Variants in NET1 observed in about 807,000 individuals in gnomAD.
The protein encoded by NET1 is neuroepithelial cell transforming 1, also known as neuroepithelial cell-transforming gene 1 protein.
Under a neutral mutation model 61.1 loss-of-function variants are expected in NET1, and 42 were observed. The ratio of observed to expected loss-of-function variants is 0.69; its 90% CI spans 0.54 to 0.89. NET1 has a LOEUF of 0.89. Ranked by LOEUF, NET1 falls within the 40% of genes least tolerant of loss-of-function variation. NET1 has a pLI of 0.00. For synonymous variants in NET1, 254 were observed against 281.8 expected, an observed-to-expected ratio of 0.90 and a Z score of 0.99; for missense variants, 654 against 747.3, an observed-to-expected ratio of 0.88 and a Z score of 1.46.
intron 1 of NET1, among the ~76,000 whole-genome samples, chr10:5,413,282 C>G (rs939985888): frequency 6.6e-6 from 1 of 152,190 alleles, no homozygotes; most frequent in Non-Finnish European, 1.5e-5. Flanking sequence ...TGCCTTTGCT[C>G]AGACCGAAAC....
At position 5,431,574 on chromosome 10, in the gene NET1, G is replaced by A. The variant is rs759196806; in HGVS notation, c.255+2345G>A. Among the ~76,000 whole-genome samples the A allele has an allele frequency of 2.6e-5, 4 of 151,852 alleles. No individual in the cohort carries two copies. The highest frequency in any genetic ancestry group is 1.9e-4 in the East Asian group (1 of 5,184). ...CTGTAAAGAGAAAATTCACCTTGTC[G>A]GCCATTTGATTACTCTGAAGTTCTG... On this transcript the variant is annotated intron_variant, in intron 3 of 11. Coordinates refer to ENST00000355029, the MANE Select transcript of NET1 (RefSeq NM_001047160.3). This position sits in a 1 kb window ranked among gnomAD's most constrained non-coding sequence, Gnocchi z 4.9.
rs760958920 is a variant in NET1, at chr10:5,457,890, C to T, written c.*896C>T. On this transcript the variant is annotated 3_prime_UTR_variant, in exon 12 of 12. Transcript: ENST00000355029. The surrounding 1 kb of genome is among the most constrained non-coding windows in gnomAD (Gnocchi z 5.4). ...ATTCTAGACTACTGAAAGAAAACCA[C>T]TTCAAAGATTTTGTTGAAAGTTTTA... 1 of 152,542 alleles carries T rather than the reference C, an allele frequency of 6.6e-6. No homozygotes were observed. The highest frequency in any genetic ancestry group is 1.5e-5 in the Non-Finnish European group (1 of 68,020). The allele number at this position is 152,542 out of a possible 1,614,324, so 9.4% of individuals were successfully genotyped here.
chr10:5,457,319 A>G lies in NET1; in HGVS notation c.*325A>G. On this transcript the variant is annotated 3_prime_UTR_variant, in exon 12 of 12. Coordinates refer to ENST00000355029, the MANE Select transcript of NET1 (RefSeq NM_001047160.3). This position sits in a 1 kb window ranked among gnomAD's most constrained non-coding sequence, Gnocchi z 5.4. ...ATGGCTTTCTAATACCAATTGTAAT[A>G]TTTACAATATTCACCAAAACTTAGA... 5.8e-6 allele frequency: 1 copy of G among 173,604 alleles called. No homozygotes were observed. Among genetic ancestry groups the G allele is most frequent in the Non-Finnish European group, 1.2e-5 (1 of 82,332 alleles). The allele number at this position is 173,604 out of a possible 1,614,324, so 10.8% of individuals were successfully genotyped here. A position where few individuals can be genotyped will look rare whatever the true frequency, so the allele number is the denominator to read the frequency against.
chr10:5,427,076 A>G lies in NET1; in HGVS notation c.195+355A>G, dbSNP rs1240276448. Reference sequence around the variant, plus strand: ...TTTTTTCTTGGTTGAAAATATAAAAATGCTTGATTGCACATTGTGTATATA... The same window carrying G: ...TTTTTTCTTGGTTGAAAATATAAAAGTGCTTGATTGCACATTGTGTATATA... On this transcript the variant is annotated intron_variant, in intron 2 of 11. Coordinates refer to ENST00000355029, the MANE Select transcript of NET1 (RefSeq NM_001047160.3). The surrounding 1 kb of genome is among the most constrained non-coding windows in gnomAD (Gnocchi z 4.1). Among the ~76,000 whole-genome samples the G allele has an allele frequency of 6.6e-6, 1 of 151,916 alleles. No individual in the cohort carries two copies. The highest frequency in any genetic ancestry group is 2.4e-5 in the African/African-American group (1 of 41,394).
chr10:5,454,204 C>T lies in NET1; in HGVS notation c.769-61C>T. On this transcript the variant is annotated intron_variant, in intron 8 of 11. Coordinates refer to ENST00000355029, the MANE Select transcript of NET1 (RefSeq NM_001047160.3). This position sits in a 1 kb window ranked among gnomAD's most constrained non-coding sequence, Gnocchi z 8.1. ...ACATTTTGTGTTTCATGTTTGCAGG[C>T]TTGTTAATGCACTCGGTCATAACAG... is the stretch of plus-strand genomic sequence containing the variant. The T allele has an allele frequency of 6.6e-7, 1 of 1,515,852 alleles. No homozygotes were observed. The highest frequency in any genetic ancestry group is 8.9e-7 in the Non-Finnish European group (1 of 1,125,090). The allele number at this position is 1,515,852 out of a possible 1,614,324, so 93.9% of individuals were successfully genotyped here.
At position 5,439,549 on chromosome 10, in the gene NET1, A is replaced by G. The variant is rs1161447825; in HGVS notation, c.255+10320A>G. ...GCTGTACCTCCCAACCTTCTGACTC[A>G]GTTGATGTGACCCTGTTTGTTTTGG... On this transcript the variant is annotated intron_variant, in intron 3 of 11. Transcript: ENST00000355029. The surrounding 1 kb of genome is among the most constrained non-coding windows in gnomAD (Gnocchi z 4.8). Among the ~76,000 whole-genome samples, 4 of 152,182 alleles carry G rather than the reference A, an allele frequency of 2.6e-5. No homozygotes were observed. Among genetic ancestry groups the G allele is most frequent in the Non-Finnish European group, 5.9e-5 (4 of 68,030 alleles).
At position 5,421,867 on chromosome 10, in the gene NET1, A is replaced by G. The variant is rs189850558; in HGVS notation, c.129-4788A>G. ...CAGGACATACAAGTGGAATCATACA[A>G]TGTGTAGTCTTTCTGCTTCTGCCTT... On this transcript the variant is annotated intron_variant, in intron 1 of 11. Coordinates refer to ENST00000355029, the MANE Select transcript of NET1 (RefSeq NM_001047160.3). The surrounding 1 kb of genome is among the most constrained non-coding windows in gnomAD (Gnocchi z 4.2). Among the ~76,000 whole-genome samples the G allele has an allele frequency of 6.6e-6, 1 of 152,306 alleles. No individual in the cohort carries two copies. The highest frequency in any genetic ancestry group is 2.4e-5 in the African/African-American group (1 of 41,554).
Position 5,427,215 on chromosome 10 carries a change from A to T in NET1, c.195+494A>T, listed in dbSNP as rs1416561973. ...GCATTTAATTTTGTGTGAAGTGATA[A>T]CAGAAAATTGATTCTTTTTGTACTT... is the stretch of plus-strand genomic sequence containing the variant. On this transcript the variant is annotated intron_variant, in intron 2 of 11. Coordinates refer to ENST00000355029, the MANE Select transcript of NET1 (RefSeq NM_001047160.3). This position sits in a 1 kb window ranked among gnomAD's most constrained non-coding sequence, Gnocchi z 4.1. Among the ~76,000 whole-genome samples the T allele has an allele frequency of 6.6e-6, 1 of 152,168 alleles. No homozygotes were observed. The highest frequency in any genetic ancestry group is 1.5e-5 in the Non-Finnish European group (1 of 68,010).
Position 5,422,036 on chromosome 10 carries a change from A to G in NET1, c.129-4619A>G, listed in dbSNP as rs1420782435. Among the ~76,000 whole-genome samples the G allele has an allele frequency of 6.6e-6, 1 of 152,206 alleles. No homozygotes were observed. The highest frequency in any genetic ancestry group is 1.5e-5 in the Non-Finnish European group (1 of 68,038). ...GCTTTTATGGATAATGCTGCTATGA[A>G]CATTTGCATGTAAGTCTTAGTGTAG... On this transcript the variant is annotated intron_variant, in intron 1 of 11. Coordinates refer to ENST00000355029, the MANE Select transcript of NET1 (RefSeq NM_001047160.3). This position sits in a 1 kb window ranked among gnomAD's most constrained non-coding sequence, Gnocchi z 4.1.
intron 1 of NET1, among the ~76,000 whole-genome samples, chr10:5,418,834 A>C (rs973284189): frequency 4.6e-5 from 7 of 152,146 alleles, no homozygotes; most frequent in Non-Finnish European, 1.0e-4. Context: ...GCATTGCTTT[A>C]GCTGCATCTC....
rs537159220 is a variant in NET1 at position 5,414,183 on chromosome 10, A to G, written c.128+1363A>G. 7.9e-5 allele frequency among the ~76,000 whole-genome samples: 12 copies of G among 152,276 alleles called. No individual in the cohort carries two copies. The South Asian group carries it at 2.3e-3, about 29-fold the overall frequency. On this transcript the variant is annotated intron_variant, in intron 1 of 11. Coordinates refer to ENST00000355029, the MANE Select transcript of NET1 (RefSeq NM_001047160.3). Reference sequence around the variant, plus strand: ...TTTGTATAGAGGAGAGGAAACCAATATGGGGAGAAGGAGGAGGTAGTCATG... The same window carrying G: ...TTTGTATAGAGGAGAGGAAACCAATGTGGGGAGAAGGAGGAGGTAGTCATG...
chr10:5,421,339 T>C lies in NET1; in HGVS notation c.129-5316T>C, dbSNP rs531899571. On this transcript the variant is annotated intron_variant, in intron 1 of 11. Coordinates refer to ENST00000355029, the MANE Select transcript of NET1 (RefSeq NM_001047160.3). This position sits in a 1 kb window ranked among gnomAD's most constrained non-coding sequence, Gnocchi z 4.2. ...GAAATATAAATACATACTGATCCTT[T>C]TAAGGATTTTATATTTTCCTTTTTT... Among the ~76,000 whole-genome samples the C allele has an allele frequency of 2.0e-5, 3 of 152,228 alleles. No individual in the cohort carries two copies. The South Asian group carries it at 6.2e-4, about 32-fold the overall frequency.
rs1162343417 is a variant in NET1, at chr10:5,456,859, C to T, written c.1656C>T (p.Asn552=). The T allele has an allele frequency of 6.2e-6, 10 of 1,614,112 alleles. No individual in the cohort carries two copies. Among genetic ancestry groups the T allele is most frequent in the South Asian group, 2.2e-5 (2 of 91,062 alleles). The change falls in exon 12 of 12, where the codon AAC becomes AAT. Residue 552 remains asparagine, a synonymous_variant. Coordinates refer to ENST00000355029, the MANE Select transcript of NET1 (RefSeq NM_001047160.3). The surrounding 1 kb of genome is among the most constrained non-coding windows in gnomAD (Gnocchi z 7.0). ...SSVTQVEVDE[N]AYRCGSGMQM... Reference sequence around the variant, plus strand: ...TTACTCAGGTAGAAGTTGATGAAAACGCTTACAGATGTGGCTCTGGCATGC... The same window carrying T: ...TTACTCAGGTAGAAGTTGATGAAAATGCTTACAGATGTGGCTCTGGCATGC...
rs1362400222 is a variant in NET1, at chr10:5,435,686, CT to C, written c.255+6460del. 6.6e-6 allele frequency among the ~76,000 whole-genome samples: 1 copy of C among 152,188 alleles called. No individual in the cohort carries two copies. The highest frequency in any genetic ancestry group is 2.4e-5 in the African/African-American group (1 of 41,510). On this transcript the variant is annotated intron_variant, in intron 3 of 11. Coordinates refer to ENST00000355029, the MANE Select transcript of NET1 (RefSeq NM_001047160.3). This position sits in a 1 kb window ranked among gnomAD's most constrained non-coding sequence, Gnocchi z 5.0. ...ATGATCATTGTATTACGTATTTGGA[CT>C]TTGGATATCTTATATGAAGAATTTA... is the stretch of plus-strand genomic sequence containing the variant.
At chr10:5,432,565 A>T (rs61508501) in intron 3 of NET1, among the ~76,000 whole-genome samples, 10 of 145,142 alleles carry the variant, frequency 6.9e-5, no homozygotes, top group Admixed American at 4.1e-4. Context: ...TTTGGTTTTT[A>T]AAAAAAATTT....
rs375358584 is a variant in NET1 at position 5,429,023 on chromosome 10, C to T, written c.196-147C>T. 489 of 509,002 alleles carry T rather than the reference C, an allele frequency of 9.6e-4. 3 individuals are homozygous for T. The highest frequency in any genetic ancestry group is 8.2e-3 in the African/African-American group (410 of 50,300). 31.5% of individuals were successfully genotyped at this position (509,002 alleles called of 1,614,324 possible). ...TGCTGAAATTACAGACGTGAGCCAC[C>T]GCGCCTGGCCTCAAAGTAATTTTCT... On this transcript the variant is annotated intron_variant, in intron 2 of 11. Coordinates refer to ENST00000355029, the MANE Select transcript of NET1 (RefSeq NM_001047160.3).
At chr10:5,418,478 G>A (rs2119164882) in intron 1 of NET1, among the ~76,000 whole-genome samples, 1 of 152,052 alleles carries the variant, frequency 6.6e-6, no homozygotes, top group Admixed American at 6.5e-5. Flanking sequence ...TTCATGTAAT[G>A]TCAATAGTAA....
At chr10:5,442,863 C>G (rs59768991) in intron 3 of NET1, among the ~76,000 whole-genome samples, 2 of 131,692 alleles carry the variant, frequency 1.5e-5, no homozygotes, top group Non-Finnish European at 3.1e-5. Context: ...GACAACAGAG[C>G]AAGACCCTGT....
intron 1 of NET1, among the ~76,000 whole-genome samples, chr10:5,419,591 T>A (rs1832134249): frequency 6.6e-6 from 1 of 152,266 alleles, no homozygotes; most frequent in South Asian, 2.1e-4. Context: ...TTGGGTTTTG[T>A]ATGTGAACTC....
Sources: gnomAD v4.1 joint callset for allele counts (sites outside exome capture counted in the v4.1 genomes callset) on GRCh38, gnomAD v4.1.1 for gene constraint, Gnocchi (gnomAD v3.1) non-coding constraint, MANE v1.5 for transcripts, NCBI Gene and HGNC (gene_info 2026-07-23, HGNC 2026-07-21) for gene names.